The following IGFBP3 variants were observed in gnomAD, a reference collection of about 807,000 sequenced individuals.
IGFBP3 encodes insulin like growth factor binding protein 3.
A neutral mutation model predicts 28.6 loss-of-function variants in IGFBP3; 9 were observed. The ratio of observed to expected loss-of-function variants is 0.31; its 90% confidence interval spans 0.19 to 0.55. IGFBP3 has a LOEUF of 0.55. IGFBP3 is among the 20% of genes least tolerant of loss of function. The probability of loss-of-function intolerance (pLI) is 0.93; values close to 1 mark genes in which losing one functional copy is unlikely to be tolerated. For synonymous variants in IGFBP3, 185 were observed against 188.2 expected (o/e 0.98, Z 0.14); for missense variants, 382 against 428.9 (o/e 0.89, Z 0.97).
chr7:45,916,148 C>T (rs1784606459), intron 3 of IGFBP3, among the ~76,000 whole-genome samples: 1 of 152,172 alleles, frequency 6.6e-6, no homozygotes, highest in African/African-American at 2.4e-5. Context: ...GGTATGACCT[C>T]ATGTCACACT....
rs1056431168 is a variant in IGFBP3 at position 45,917,201 on chromosome 7, A to AT, written c.630+11_630+12insA. On this transcript the variant is annotated intron_variant, in intron 2 of 4. Transcript: ENST00000613132. ...CTTGCCCTCCTCCTTTAACAAGAGG[A>AT]AAAGCTCTCACATATTCTGTCTCCC... is the stretch of plus-strand genomic sequence containing the variant. The AT allele has an allele frequency of 9.4e-6, 15 of 1,601,058 alleles. 1 individual carries two copies. In the African/African-American group the frequency reaches 2.0e-4, roughly 21 times the overall value.
rs1784621430 is a variant in IGFBP3, at chr7:45,917,289, C to T, written c.554G>A (p.Arg185His). 3 of 1,613,976 alleles carry T rather than the reference C, an allele frequency of 1.9e-6. No individual in the cohort carries two copies. Among genetic ancestry groups the T allele is most frequent in the Admixed American group, 1.7e-5 (1 of 59,998 alleles). The change falls in exon 2 of 5, where the codon CGC becomes CAC. Residue 185 changes from arginine (R) to histidine (H), a missense_variant. Coordinates refer to ENST00000613132, the MANE Select transcript of IGFBP3 (RefSeq NM_000598.5). ...IKKGHAKDSQRYKVDYESQST... is the reference protein window; with the variant it reads ...IKKGHAKDSQHYKVDYESQST... ...CTGAGACTCGTAGTCAACTTTGTAGCGCTGGCTGTCTTTAGCATGCCCTTT... is the reference window on the plus strand; with the variant it reads ...CTGAGACTCGTAGTCAACTTTGTAGTGCTGGCTGTCTTTAGCATGCCCTTT...
chr7:45,918,161 T>C (rs1784639027), intron 1 of IGFBP3, among the ~76,000 whole-genome samples: 1 of 152,138 alleles, frequency 6.6e-6, no homozygotes. Flanking sequence ...TGCATCTTGC[T>C]GGTGCCTGCC....
At chr7:45,915,096 G>A (rs1673481866) in intron 3 of IGFBP3, 151 bp from the exon 4 acceptor site, 16 of 810,434 alleles carry the variant, frequency 2.0e-5, no homozygotes, top group South Asian at 5.1e-5. Context: ...AGAGCCATGC[G>A]TGCCTAGGCC....
intron 1 of IGFBP3, 128 bp from the exon 2 acceptor site, chr7:45,917,567 T>C (rs1015367803): frequency 2.3e-5 from 15 of 651,224 alleles, no homozygotes; most frequent in Middle Eastern, 8.2e-4. Flanking sequence ...AGTGAGTTTT[T>C]TTTTTTAAAA....
chr7:45,918,059 G>A (rs1784637798), intron 1 of IGFBP3, among the ~76,000 whole-genome samples: 1 of 152,218 alleles, frequency 6.6e-6, no homozygotes. Flanking sequence ...AAAGCGTTTT[G>A]CCTCAGGGGC....
intron 4 of IGFBP3, 195 bp from the exon 5 acceptor site, chr7:45,914,029 G>A (rs975845649): frequency 6.6e-6 from 1 of 152,068 alleles, no homozygotes; most frequent in African/African-American, 2.4e-5. Context: ...CATTGTCAAA[G>A]AGTTACCCTT....
Position 45,916,438 on chromosome 7 carries a change from G to A in IGFBP3, c.750+110C>T, listed in dbSNP as rs1784609336. 8.9e-6 allele frequency: 10 copies of A among 1,129,086 alleles called. 1 individual carries two copies. In the South Asian group the frequency reaches 8.9e-5, roughly 10 times the overall value. 69.9% of individuals were successfully genotyped at this position (1,129,086 alleles called of 1,614,324 possible). ...GCACCAAGTCCTGGGCACTGGTGCT[G>A]CACAGGCTCAGAGTTAGAGCTATGG... On this transcript the variant is annotated intron_variant, in intron 3 of 4. Coordinates refer to ENST00000613132, the MANE Select transcript of IGFBP3 (RefSeq NM_000598.5).
chr7:45,915,122 T>C, intron 3 of IGFBP3, 177 bp from the exon 4 acceptor site: 1 of 617,582 alleles, frequency 1.6e-6, no homozygotes, highest in South Asian at 1.9e-5. Flanking sequence ...AGTGTGCGCC[T>C]GTGCATGCGT....
chr7:45,917,860 A>G (rs1050284290), intron 1 of IGFBP3, among the ~76,000 whole-genome samples: 3 of 152,228 alleles, frequency 2.0e-5, no homozygotes. Flanking sequence ...GAGCAGCGGC[A>G]GCCCGGGGAC....
rs566488938 is a variant in IGFBP3 at position 45,920,965 on chromosome 7, G to A, written c.176C>T (p.Ala59Val). Residue 59 changes from alanine to valine, a missense_variant, in exon 1 of 5, where the codon GCG (alanine) becomes GTG (valine). By Grantham distance (64) the Ala-to-Val change is moderately conservative. Transcript: ENST00000613132. ...AQCAPPPAVCAELVREPGCGC... is the reference protein window; with the variant it reads ...AQCAPPPAVCVELVREPGCGC... ...GCAGCCCGGCTCGCGCACCAGCTCCGCGCACACGGCGGGCGGAGGCGCGCA... is the reference window on the plus strand; with the variant it reads ...GCAGCCCGGCTCGCGCACCAGCTCCACGCACACGGCGGGCGGAGGCGCGCA... The A allele has an allele frequency of 2.2e-6, 3 of 1,355,862 alleles. No individual in the cohort carries two copies. The highest frequency in any genetic ancestry group is 3.1e-5 in the African/African-American group (2 of 65,230). 84.0% of individuals were successfully genotyped at this position (1,355,862 alleles called of 1,614,324 possible). A position where few individuals can be genotyped will look rare whatever the true frequency, so the allele number is the denominator to read the frequency against.
intron 1 of IGFBP3, among the ~76,000 whole-genome samples, chr7:45,918,065 G>A (rs1784637875): frequency 6.6e-6 from 1 of 152,238 alleles, no homozygotes. Flanking sequence ...TTTTGCCTCA[G>A]GGGCTCAGAA....
At chr7:45,917,802 GCTCAGAAA>G (rs2116579725) in intron 1 of IGFBP3, among the ~76,000 whole-genome samples, 1 of 152,316 alleles carries the variant, frequency 6.6e-6, no homozygotes, top group African/African-American at 2.4e-5. Context: ...TGCAGCGCCG[GCTCAGAAA>G]TTTTGCAGTC....
At chr7:45,918,310 C>T (rs1267025437) in intron 1 of IGFBP3, among the ~76,000 whole-genome samples, 13 of 152,194 alleles carry the variant, frequency 8.5e-5, no homozygotes, top group Non-Finnish European at 1.3e-4. Flanking sequence ...AGAAATCCCC[C>T]TCCAGCAGAT....
chr7:45,917,478 C>G (rs759752772), intron 1 of IGFBP3, 39 bp from the exon 2 acceptor site: 1 of 1,470,696 alleles, frequency 6.8e-7, no homozygotes, highest in Non-Finnish European at 9.3e-7. Context: ...TGAGAGTCAT[C>G]AATATCTATC....
chr7:45,921,233 A>C lies in IGFBP3; in HGVS notation c.-93T>G. The C allele has an allele frequency of 7.1e-7, 1 of 1,403,142 alleles. No homozygotes were observed. The highest frequency in any genetic ancestry group is 9.6e-7 in the Non-Finnish European group (1 of 1,039,636). The allele number at this position is 1,403,142 out of a possible 1,614,324, so 86.9% of individuals were successfully genotyped here. ...GCGAAGCTGTGGAATCCAGGCAGGA[A>C]GCGGCTGATCCTCAGCGCCCAGCCG... On this transcript the variant is annotated 5_prime_UTR_variant, in exon 1 of 5. Transcript: ENST00000613132.
chr7:45,916,892 C>A, intron 2 of IGFBP3: 2 of 560,728 alleles, frequency 3.6e-6, no homozygotes, highest in Non-Finnish European at 6.4e-6. Flanking sequence ...GGTATGGAAC[C>A]AATAGCAGGT....
At chr7:45,915,220 A>G in intron 3 of IGFBP3, 4 of 366,418 alleles carry the variant, frequency 1.1e-5, no homozygotes, top group Non-Finnish European at 2.0e-5. Flanking sequence ...CCCTTGTAGA[A>G]CCTCTTGACT....
At chr7:45,920,454 T>C (rs1298700533) in intron 1 of IGFBP3, 1 of 364,188 alleles carries the variant, frequency 2.7e-6, no homozygotes, top group African/African-American at 2.1e-5. Context: ...TAAACATCGG[T>C]ACCGCTCCCC....
Sources: gnomAD v4.1 joint callset for allele counts (sites outside exome capture counted in the v4.1 genomes callset) on GRCh38, gnomAD v4.1.1 for gene constraint, MANE v1.5 for transcripts, NCBI Gene and HGNC (gene_info 2026-07-23, HGNC 2026-07-21) for gene names.